Variants in ANKRD17 observed in about 807,000 individuals in gnomAD.
The protein encoded by ANKRD17 is ankyrin repeat domain-containing protein 17.
In ANKRD17, 19 loss-of-function variants were observed where a neutral mutation model predicts 229.7. The ratio of observed to expected loss-of-function variants is 0.08; its 90% CI spans 0.06 to 0.12. The LOEUF (loss-of-function observed/expected upper bound fraction) is 0.12, where lower values mean the gene tolerates loss of function less well. Ranked by LOEUF, ANKRD17 falls within the 10% of genes least tolerant of loss-of-function variation. The probability of loss-of-function intolerance (pLI) is 1.00; values close to 1 mark genes in which losing one functional copy is unlikely to be tolerated. For missense variants in ANKRD17, 2,176 were observed against 3,176.8 expected, an observed-to-expected ratio of 0.68 and a Z score of 7.57; for synonymous variants, 1,112 against 1,146.1, an observed-to-expected ratio of 0.97 and a Z score of 0.60.
intron 1 of ANKRD17, among the ~76,000 whole-genome samples, chr4:73,226,390 T>G (rs866429963): frequency 4.1e-5 from 2 of 49,368 alleles, no homozygotes; most frequent in African/African-American, 6.2e-5. Context: ...TTTTCTTCTG[T>G]TTTTTTTTTT....
chr4:73,155,870 T>C (rs1181213102), intron 4 of ANKRD17, 92 bp from the exon 5 acceptor site: 14 of 1,496,004 alleles, frequency 9.4e-6, no homozygotes, highest in Non-Finnish European at 9.0e-7. Flanking sequence ...CTAGTCATAG[T>C]AAAAGAGCTA....
chr4:73,220,744 A>T lies in ANKRD17; in HGVS notation c.393+37532T>A, dbSNP rs1325144100. Among the ~76,000 whole-genome samples the T allele has an allele frequency of 3.9e-5, 6 of 152,286 alleles. No individual in the cohort carries two copies. In the South Asian group the frequency reaches 1.2e-3, roughly 32 times the overall value. On this transcript the variant is annotated intron_variant, in intron 1 of 33. Transcript: ENST00000358602. Reference sequence around the variant, plus strand: ...TTCAATGCAAATAAGCATAATCTACATAAAATTCCGTATGTTCAATAAATA... The same window carrying T: ...TTCAATGCAAATAAGCATAATCTACTTAAAATTCCGTATGTTCAATAAATA...
intron 10 of ANKRD17, 21 bp from the exon 11 acceptor site, chr4:73,144,853 A>G: frequency 2.0e-6 from 3 of 1,475,958 alleles, no homozygotes; most frequent in Non-Finnish European, 2.8e-6. Flanking sequence ...AAAAAAAAAA[A>G]GACTTGACAT....
intron 2 of ANKRD17, among the ~76,000 whole-genome samples, chr4:73,166,728 G>C (rs1357512175): frequency 6.8e-6 from 1 of 146,062 alleles, no homozygotes; most frequent in Non-Finnish European, 1.5e-5. Context: ...CATAAAGTGA[G>C]AGAAATGACT....
At chr4:73,154,711 T>G (rs1217494782) in intron 5 of ANKRD17, among the ~76,000 whole-genome samples, 1 of 152,168 alleles carries the variant, frequency 6.6e-6, no homozygotes, top group Non-Finnish European at 1.5e-5. Flanking sequence ...TAAGAATTTC[T>G]AAAAATCCCT....
chr4:73,110,987 A>G (rs1485130026), intron 24 of ANKRD17, among the ~76,000 whole-genome samples: 1 of 152,236 alleles, frequency 6.6e-6, no homozygotes. Flanking sequence ...AACGCTGGCA[A>G]GAATACAAGG....
In ANKRD17 at chr4:73,153,956, C is replaced by T; in HGVS notation, c.1158G>A (p.Leu386=). ...TATTAATGCCAGCCCCATTTTCTAG[C>T]AGCAATCTGGCTACTTCCACATGTC... The part of the protein sequence containing the change: ...SAGHVEVARL[L]LENGAGINTH... The change falls in exon 6 of 34, where the codon CTG becomes CTA. Residue 386 remains leucine, a synonymous_variant. Transcript: ENST00000358602. 1 of 1,613,056 alleles carries T rather than the reference C, an allele frequency of 6.2e-7. No individual in the cohort carries two copies. Among genetic ancestry groups the T allele is most frequent in the Non-Finnish European group, 8.5e-7 (1 of 1,179,550 alleles).
chr4:73,223,134 T>C, intron 1 of ANKRD17: 1 of 1,259,186 alleles, frequency 7.9e-7, no homozygotes, highest in Non-Finnish European at 1.1e-6. Context: ...TTCTATTACA[T>C]GCCTAAAGCA....
In ANKRD17 at chr4:73,210,624, A is replaced by C. The variant is rs186383861; in HGVS notation, c.394-33091T>G. 1.8e-4 allele frequency among the ~76,000 whole-genome samples: 27 copies of C among 152,286 alleles called. No homozygotes were observed. The East Asian group carries it at 4.6e-3, about 26-fold the overall frequency. Reference sequence around the variant, plus strand: ...CATCAGAAAACCTAGTACTTACACTACATTATTGTTTTCAACCAAATTGCA... The same window carrying C: ...CATCAGAAAACCTAGTACTTACACTCCATTATTGTTTTCAACCAAATTGCA... On this transcript the variant is annotated intron_variant, in intron 1 of 33. Transcript: ENST00000358602.
intron 22 of ANKRD17, among the ~76,000 whole-genome samples, chr4:73,118,183 A>C (rs939715405): frequency 6.6e-5 from 10 of 152,000 alleles, no homozygotes; most frequent in African/African-American, 2.2e-4. Context: ...CGCTCGGCTA[A>C]TTTTTATAAT....
intron 1 of ANKRD17, among the ~76,000 whole-genome samples, chr4:73,256,005 C>T (rs1048654037): frequency 3.3e-5 from 5 of 152,202 alleles, no homozygotes; most frequent in Admixed American, 1.3e-4. Flanking sequence ...GGATTACAGG[C>T]GTGAGCTACC....
intron 1 of ANKRD17, among the ~76,000 whole-genome samples, chr4:73,208,666 A>T (rs1191495799): frequency 6.6e-6 from 1 of 152,236 alleles, no homozygotes; most frequent in Non-Finnish European, 1.5e-5. Flanking sequence ...TAAGACAGGC[A>T]GAATGAGTCA....
intron 1 of ANKRD17, among the ~76,000 whole-genome samples, chr4:73,180,311 G>A (rs1308247640): frequency 6.6e-6 from 1 of 152,124 alleles, no homozygotes; most frequent in African/African-American, 2.4e-5. Flanking sequence ...CTATGTGATA[G>A]AACACAGGGT....
chr4:73,118,495 G>A (rs548889517), intron 22 of ANKRD17, among the ~76,000 whole-genome samples, 193 bp downstream of exon 22: 10 of 151,690 alleles, frequency 6.6e-5, no homozygotes, highest in African/African-American at 2.2e-4. Flanking sequence ...GTCCAATAAG[G>A]TTAAAATTAA....
intron 3 of ANKRD17, among the ~76,000 whole-genome samples, chr4:73,159,868 A>G (rs1376086448): frequency 1.3e-5 from 2 of 152,198 alleles, no homozygotes; most frequent in Non-Finnish European, 2.9e-5. Context: ...AAGTTAATAC[A>G]AACACAAAAA....
At chr4:73,158,481 G>T (rs1419849614) in intron 3 of ANKRD17, among the ~76,000 whole-genome samples, 2 of 152,146 alleles carry the variant, frequency 1.3e-5, no homozygotes, top group Admixed American at 1.3e-4. Context: ...TCCTCTCTCA[G>T]ACATGGCTCA....
intron 16 of ANKRD17, among the ~76,000 whole-genome samples, chr4:73,128,163 A>T (rs1466244796): frequency 6.6e-6 from 1 of 152,244 alleles, no homozygotes; most frequent in Non-Finnish European, 1.5e-5. Flanking sequence ...AGAGAAAAGG[A>T]GATAAAGGCT....
rs551626561 is a variant in ANKRD17 at position 73,235,646 on chromosome 4, C to T, written c.393+22630G>A. 1.2e-4 allele frequency among the ~76,000 whole-genome samples: 18 copies of T among 151,990 alleles called. No individual in the cohort carries two copies. In the South Asian group the frequency reaches 3.1e-3, roughly 26 times the overall value. On this transcript the variant is annotated intron_variant, in intron 1 of 33. Coordinates refer to ENST00000358602, the MANE Select transcript of ANKRD17 (RefSeq NM_032217.5). ...TTTCAGTCAATAACTAAAATAAGCC[C>T]GGATAAATAGAGTTATACTTTTAAA...
intron 1 of ANKRD17, among the ~76,000 whole-genome samples, chr4:73,185,452 C>T (rs1412033070): frequency 6.6e-6 from 1 of 151,814 alleles, no homozygotes. Flanking sequence ...CAAATAATCC[C>T]CACACTTATT....
Sources: gnomAD v4.1 joint callset for allele counts (sites outside exome capture counted in the v4.1 genomes callset) on GRCh38, gnomAD v4.1.1 for gene constraint, MANE v1.5 for transcripts, NCBI Gene and HGNC (gene_info 2026-07-23, HGNC 2026-07-21) for gene names.